Variants in NPR1 observed in about 807,000 individuals in gnomAD.
NPR1 encodes the protein atrial natriuretic peptide receptor 1.
NPR1 carries 57 observed loss-of-function variants against 116.9 expected under a neutral mutation model. That is an observed-to-expected ratio of 0.49 (90% CI 0.39 to 0.61). NPR1 has a LOEUF of 0.61. Ranked by LOEUF, NPR1 falls within the 20% of genes least tolerant of loss-of-function variation. NPR1 has a pLI of 0.00. For synonymous variants in NPR1, 555 were observed against 601.6 expected (o/e 0.92, Z 1.13); for missense variants, 1,096 against 1,409.8 (o/e 0.78, Z 3.56).
Position 153,683,425 on chromosome 1 carries a change from G to A in NPR1, c.1313G>A (p.Gly438Glu). The change falls in exon 6 of 22, where the codon GGG becomes GAG. Residue 438 changes from glycine (G) to glutamate (E), a missense_variant. Transcript: ENST00000368680. ...GTSQELVAVS[G>E]RKLNWPLGYP... ...TCCCAAGAGCTGGTGGCTGTGTCGGGGCGCAAACTGAACTGGCCCCTGGGG... is the reference window on the plus strand; with the variant it reads ...TCCCAAGAGCTGGTGGCTGTGTCGGAGCGCAAACTGAACTGGCCCCTGGGG... 1 of 1,614,148 alleles carries A rather than the reference G, an allele frequency of 6.2e-7. No homozygotes were observed.
chr1:153,693,560 C>T lies in NPR1; in HGVS notation c.*146C>T, dbSNP rs1360351095. On this transcript the variant is annotated 3_prime_UTR_variant, in exon 22 of 22. Transcript: ENST00000368680. The stretch of plus-strand genomic sequence containing the variant: ...TCAGGTGTGCTGACCCCAGTGAAGA[C>T]ACCAGATAGGACCTCTGAGAGGGGA... 1.2e-5 allele frequency: 8 copies of T among 672,478 alleles called. No homozygotes were observed. Among genetic ancestry groups the T allele is most frequent in the Middle Eastern group, 4.1e-4 (1 of 2,454 alleles). 41.7% of individuals were successfully genotyped at this position (672,478 alleles called of 1,614,324 possible). A position where few individuals can be genotyped will look rare whatever the true frequency, so the allele number is the denominator to read the frequency against.
At chr1:153,683,566 T>C (rs1669843510) in intron 6 of NPR1, 55 bp downstream of exon 6, 1 of 1,608,166 alleles carries the variant, frequency 6.2e-7, no homozygotes, top group African/African-American at 1.3e-5. Context: ...ATCCTTCCCC[T>C]AAGCACAGTC....
At chr1:153,680,806 C>CTGTT (rs1181273323) in intron 2 of NPR1, 106 bp downstream of exon 2, 1 of 941,958 alleles carries the variant, frequency 1.1e-6, no homozygotes, top group African/African-American at 1.7e-5. Context: ...AGGTTTTTGT[C>CTGTT]TGTTTGTTTC....
rs546019462 is a variant in NPR1, at chr1:153,690,231, C to T, written c.2933-53C>T. ...ATTGTCCACCTACCTCCCTTAACAC[C>T]CCTCCCTCCCTCACTCGCTGATGGG... On this transcript the variant is annotated intron_variant, in intron 19 of 21. Transcript: ENST00000368680. The T allele has an allele frequency of 5.3e-5, 74 of 1,405,310 alleles. No homozygotes were observed. The South Asian group carries it at 9.0e-4, about 17-fold the overall frequency. The allele number at this position is 1,405,310 out of a possible 1,614,324, so 87.1% of individuals were successfully genotyped here.
Position 153,687,275 on chromosome 1 carries a change from C to T in NPR1, c.2011C>T (p.Arg671Cys), listed in dbSNP as rs766674601. Residue 671 changes from arginine to cysteine, a missense_variant, in exon 13 of 22, where the codon CGC becomes TGC. By Grantham distance (180) the Arg-to-Cys change is radical. Coordinates refer to ENST00000368680, the MANE Select transcript of NPR1 (RefSeq NM_000906.4). Reference sequence around the variant, plus strand: ...GTCATCCAACTGCGTGGTAGATGGGCGCTTTGTGCTCAAGATCACCGACTA... The same window carrying T: ...GTCATCCAACTGCGTGGTAGATGGGTGCTTTGTGCTCAAGATCACCGACTA... ...LKSSNCVVDG[R>C]FVLKITDYGL... 18 of 1,614,102 alleles carry T rather than the reference C, an allele frequency of 1.1e-5. No individual in the cohort carries two copies. Among genetic ancestry groups the T allele is most frequent in the Non-Finnish European group, 1.4e-5 (17 of 1,180,002 alleles).
rs13306001 is a variant in NPR1 at position 153,689,063 on chromosome 1, G to T, written c.2528G>T (p.Arg843Leu). 3.1e-6 allele frequency: 5 copies of T among 1,614,074 alleles called. No individual in the cohort carries two copies. In the East Asian group the frequency reaches 1.1e-4, roughly 36 times the overall value. Residue 843 changes from arginine to leucine, a missense_variant, in exon 16 of 22, where the codon CGC becomes CTC. Transcript: ENST00000368680. The surrounding 1 kb of genome is among the most constrained non-coding windows in gnomAD (Gnocchi z 5.1). ...ERTQAYLEEK[R>L]KAEALLYQIL... ...ACCCAGGCATACCTGGAGGAGAAGC[G>T]CAAGGCTGAGGCCCTGCTCTACCAG...
intron 13 of NPR1, 34 bp downstream of exon 13, chr1:153,687,390 C>G (rs1247957678): frequency 6.2e-7 from 1 of 1,607,722 alleles, no homozygotes; most frequent in African/African-American, 1.3e-5. Flanking sequence ...ACACCTGCCC[C>G]CAGCACCACC....
intron 11 of NPR1, 41 bp from the exon 12 acceptor site, chr1:153,686,975 G>T: frequency 6.2e-7 from 1 of 1,603,512 alleles, no homozygotes; most frequent in Non-Finnish European, 8.5e-7. Context: ...ACTCCCAGGG[G>T]GATCTGCAGG....
At position 153,690,292 on chromosome 1, in the gene NPR1, T is replaced by C. The variant is rs1379274675; in HGVS notation, c.2941T>C (p.Cys981Arg). The C allele has an allele frequency of 9.0e-6, 14 of 1,557,136 alleles. No homozygotes were observed. The highest frequency in any genetic ancestry group is 1.2e-5 in the Non-Finnish European group (14 of 1,149,074). ...LRIGIHTGPV[C>R]AGVVGLKMPR... is the part of the protein sequence containing the mutation. ...TCCCTTGCTCCTCCCAGGACCTGTG[T>C]GTGCTGGAGTGGTGGGACTGAAGAT... The change falls in exon 20 of 22, where the codon TGT becomes CGT. Residue 981 changes from cysteine (C) to arginine (R), a missense_variant. Transcript: ENST00000368680.
At chr1:153,683,642 C>A in intron 6 of NPR1, 98 bp from the exon 7 acceptor site, 1 of 1,535,970 alleles carries the variant, frequency 6.5e-7, no homozygotes. Context: ...TTCTTCCCTT[C>A]ATCCATCATC....
chr1:153,682,386 T>A lies in NPR1; in HGVS notation c.1172-112T>A. On this transcript the variant is annotated intron_variant, in intron 4 of 21. Transcript: ENST00000368680. ...TTTTACCATTTACTATCATTCTGTA[T>A]ACATGTATGTTTGGAAGGCAAGGCA... 4.0e-6 allele frequency: 3 copies of A among 750,480 alleles called. No individual in the cohort carries two copies. The South Asian group carries it at 4.5e-5, about 11-fold the overall frequency. 46.5% of individuals were successfully genotyped at this position (750,480 alleles called of 1,614,324 possible). A position where few individuals can be genotyped will look rare whatever the true frequency, so the allele number is the denominator to read the frequency against.
chr1:153,693,265 C>G, intron 21 of NPR1, 68 bp downstream of exon 21: 1 of 1,595,794 alleles, frequency 6.3e-7, no homozygotes, highest in African/African-American at 1.3e-5. Context: ...TCTCAAGCAG[C>G]CAATGCCACT....
intron 20 of NPR1, among the ~76,000 whole-genome samples, chr1:153,692,794 T>G (rs2101742572): frequency 6.6e-6 from 1 of 152,280 alleles, no homozygotes; most frequent in South Asian, 2.1e-4. Context: ...ATTACAGGTG[T>G]GAGCCACAGC....
rs764645661 is a variant in NPR1, at chr1:153,689,820, C to T, written c.2772C>T (p.Gly924=). The change falls in exon 19 of 22, where the codon GGC becomes GGT. Residue 924 remains glycine, a synonymous_variant. Coordinates refer to ENST00000368680, the MANE Select transcript of NPR1 (RefSeq NM_000906.4). This position sits in a 1 kb window ranked among gnomAD's most constrained non-coding sequence, Gnocchi z 5.1. The part of the protein sequence containing the change: ...NFDVYKVETI[G]DAYMVVSGLP... Reference sequence around the variant, plus strand: ...CACTCCCACAGGTGGAGACAATTGGCGATGCCTACATGGTGGTGTCAGGGC... The same window carrying T: ...CACTCCCACAGGTGGAGACAATTGGTGATGCCTACATGGTGGTGTCAGGGC... The T allele has an allele frequency of 3.4e-5, 54 of 1,567,548 alleles. No homozygotes were observed. The highest frequency in any genetic ancestry group is 4.4e-5 in the Non-Finnish European group (51 of 1,151,486).
In NPR1 at chr1:153,690,392, C is replaced by T; in HGVS notation, c.3031+10C>T. 6.5e-7 allele frequency: 1 copy of T among 1,548,766 alleles called. No homozygotes were observed. The highest frequency in any genetic ancestry group is 8.7e-7 in the Non-Finnish European group (1 of 1,143,532). On this transcript the variant is annotated intron_variant, in intron 20 of 21. Transcript: ENST00000368680. ...GAGTCTAATGGGGAAGGTACAGTGC[C>T]CCCTCCTAGAGGGAATGGGGAGGGC...
At chr1:153,680,932 A>T (rs1354828993) in intron 2 of NPR1, 6 of 599,988 alleles carry the variant, frequency 1.0e-5, no homozygotes, top group African/African-American at 1.9e-5. Context: ...CAGGCTAAAA[A>T]GATAAGAAAA....
chr1:153,686,246 G>GA, intron 10 of NPR1, 46 bp downstream of exon 10: 1 of 1,566,622 alleles, frequency 6.4e-7, no homozygotes, highest in Non-Finnish European at 8.8e-7. Flanking sequence ...GGCCCTCGGG[G>GA]ACGCAAGGGA....
At position 153,689,460 on chromosome 1, in the gene NPR1, C is replaced by T; in HGVS notation, c.2696C>T (p.Thr899Ile). 6.2e-7 allele frequency: 1 copy of T among 1,614,156 alleles called. No homozygotes were observed. The highest frequency in any genetic ancestry group is 2.2e-5 in the East Asian group (1 of 44,870). Residue 899 changes from threonine to isoleucine, a missense_variant, in exon 18 of 22, where the codon ACC becomes ATC. By Grantham distance (89) the Thr-to-Ile change is moderately conservative. Coordinates refer to ENST00000368680, the MANE Select transcript of NPR1 (RefSeq NM_000906.4). The surrounding 1 kb of genome is among the most constrained non-coding windows in gnomAD (Gnocchi z 5.1). ...GCTTCTCTTCCCTTCCAGGTGGTGA[C>T]CCTGCTCAATGACCTGTACACTTGC... ...SAESTPMQVV[T>I]LLNDLYTCFD...
At chr1:153,681,364 A>G (rs1669776419) in intron 3 of NPR1, 71 bp downstream of exon 3, 2 of 870,434 alleles carry the variant, frequency 2.3e-6, no homozygotes, top group African/African-American at 3.3e-5. Context: ...GCCAGCCTCC[A>G]TCCTTCCCTA....
Sources: allele counts gnomAD v4.1 joint callset (sites outside exome capture counted in the v4.1 genomes callset), GRCh38; gene constraint gnomAD v4.1.1; non-coding constraint Gnocchi (gnomAD v3.1); transcripts MANE v1.5; gene names NCBI Gene and HGNC (gene_info 2026-07-23, HGNC 2026-07-21).